The following XG variants were observed in gnomAD, a reference collection of about 807,000 sequenced individuals.
XG encodes glycoprotein Xg.
XG carries 24 observed loss-of-function variants against 25.7 expected under a neutral mutation model. The observed-to-expected ratio is 0.93, with a 90% confidence interval of 0.68 to 1.31. The LOEUF (loss-of-function observed/expected upper bound fraction) is 1.31. Among genes scored for constraint, XG ranks in the 40% most tolerant of loss-of-function variants. The pLI, the probability that XG is intolerant of heterozygous loss-of-function variation, is 0.00. For synonymous variants in XG, 77 were observed against 69.2 expected, an observed-to-expected ratio of 1.11 and a Z score of -0.56; for missense variants, 181 against 187.6, an observed-to-expected ratio of 0.96 and a Z score of 0.21.
Position 2,815,044 on chromosome X carries a change from C to A in XG, c.*664C>A, listed in dbSNP as rs1215838898. ...GATGTTAAAACCATCTGGGGGAAAT[C>A]TTGGGATGCTTTTTCCTAGGAAATC... On this transcript the variant is annotated 3_prime_UTR_variant, in exon 11 of 11. Coordinates refer to ENST00000644266, the MANE Select transcript of XG (RefSeq NM_001141919.2). 9.0e-6 allele frequency: 1 copy of A among 111,417 alleles called. No individual in the cohort carries two copies. Among genetic ancestry groups the A allele is most frequent in the African/African-American group, 3.3e-5 (1 of 30,646 alleles). The allele number at this position is 111,417 out of a possible 1,213,427, so 9.2% of individuals were successfully genotyped here. A position where few individuals can be genotyped will look rare whatever the true frequency, so the allele number is the denominator to read the frequency against.
chrX:2,775,412 A>C (rs1461614508), intron 3 of XG, among the ~76,000 whole-genome samples: 1 of 152,184 alleles, frequency 6.6e-6, no homozygotes, highest in Non-Finnish European at 1.5e-5. Context: ...ATGAAGATGA[A>C]ATTTCAAGAA....
At chrX:2,767,914 AAC>A (rs1206008377) in intron 1 of XG, among the ~76,000 whole-genome samples, 2 of 152,074 alleles carry the variant, frequency 1.3e-5, no homozygotes, top group Non-Finnish European at 2.9e-5. Context: ...CAACCCCTGA[AAC>A]CAAGCAAAGC....
At chrX:2,798,373 T>C (rs751643322) in intron 7 of XG, among the ~76,000 whole-genome samples, 1,788 of 103,336 alleles carry the variant, frequency 0.017, 11 homozygotes, top group Non-Finnish European at 0.02. Context: ...TCTTTTCTTT[T>C]TTTTTTTTTT....
chrX:2,752,914 C>G, intron 1 of XG: 1 of 985,338 alleles, frequency 1.0e-6, no homozygotes, highest in Non-Finnish European at 1.2e-6. Flanking sequence ...TGTCCCAGAT[C>G]CAAGATTAGA....
At position 2,808,046 on chromosome X, in the gene XG, T is replaced by TC. The variant is rs751866739; in HGVS notation, c.419-133dup. On this transcript the variant is annotated intron_variant, in intron 8 of 10. Coordinates refer to ENST00000644266, the MANE Select transcript of XG (RefSeq NM_001141919.2). The stretch of plus-strand genomic sequence containing the variant: ...TCCTTATGCTGCTTGGCTGTCCCCC[T>TC]CCCCCCACAAGAATGTAAATTCCCT... The TC allele has an allele frequency of 6.4e-5, 41 of 636,797 alleles. No homozygotes were observed. In the East Asian group the frequency reaches 1.3e-3, roughly 21 times the overall value. 52.5% of individuals were successfully genotyped at this position (636,797 alleles called of 1,213,427 possible).
intron 1 of XG, among the ~76,000 whole-genome samples, chrX:2,762,867 C>T (rs1329241601): frequency 6.6e-6 from 1 of 152,166 alleles, no homozygotes; most frequent in African/African-American, 2.4e-5. Flanking sequence ...TAAAGGAAAA[C>T]CTTGAGTTCC....
intron 6 of XG, 75 bp from the exon 7 acceptor site, chrX:2,797,235 A>G (rs2086893752): frequency 2.8e-6 from 3 of 1,081,192 alleles, no homozygotes; most frequent in Non-Finnish European, 3.8e-6. Flanking sequence ...AATGAGCTGG[A>G]CAGACCAACA....
Position 2,800,114 on chromosome X carries a change from A to G in XG, c.373+2754A>G, listed in dbSNP as rs774703728. ...GCTATTTGTTGTTCTTTGCAGGAAG[A>G]ATGTGGGCTCAGAGCATGGCCCCAA... On this transcript the variant is annotated intron_variant, in intron 7 of 10. Coordinates refer to ENST00000644266, the MANE Select transcript of XG (RefSeq NM_001141919.2). Among the ~76,000 whole-genome samples, 55 of 111,531 alleles carry G rather than the reference A, an allele frequency of 4.9e-4. No individual in the cohort carries two copies. The South Asian group carries it at 0.02, about 41-fold the overall frequency.
chrX:2,762,792 G>C (rs948606408), intron 1 of XG, among the ~76,000 whole-genome samples: 17 of 152,216 alleles, frequency 1.1e-4, no homozygotes, highest in South Asian at 6.2e-4. Flanking sequence ...CGTCCTGGGA[G>C]AGAGTGAGAT....
chrX:2,761,023 A>G (rs907203895), intron 1 of XG, among the ~76,000 whole-genome samples: 6 of 151,976 alleles, frequency 3.9e-5, no homozygotes, highest in African/African-American at 1.2e-4. Flanking sequence ...GGACTTTGCT[A>G]TGGCAGCAGC....
intron 3 of XG, 109 bp downstream of exon 3, chrX:2,774,848 G>T (rs1208667264): frequency 2.4e-5 from 33 of 1,388,752 alleles, no homozygotes; most frequent in Non-Finnish European, 3.4e-5. Context: ...TGAAAGAGAT[G>T]CAACAACTGT....
intron 3 of XG, among the ~76,000 whole-genome samples, chrX:2,775,674 G>C (rs1272043622): frequency 1.3e-5 from 2 of 151,964 alleles, no homozygotes; most frequent in Non-Finnish European, 2.9e-5. Flanking sequence ...GGTAACCTTT[G>C]GCTGGGGGCG....
At chrX:2,789,049 A>G (rs1232872226) in intron 4 of XG, among the ~76,000 whole-genome samples, 2 of 111,420 alleles carry the variant, frequency 1.8e-5, no homozygotes, top group Non-Finnish European at 3.8e-5. Context: ...TGGGCAACAT[A>G]GCAAGACCTT....
At chrX:2,813,774 C>G (rs1196428914) in intron 10 of XG, among the ~76,000 whole-genome samples, 3 of 112,275 alleles carry the variant, frequency 2.7e-5, no homozygotes, top group South Asian at 3.7e-4. Flanking sequence ...TAAAGACCAA[C>G]AAGGCCATAT....
chrX:2,785,260 C>T (rs762921357), intron 4 of XG, among the ~76,000 whole-genome samples: 4 of 111,440 alleles, frequency 3.6e-5, no homozygotes, highest in Non-Finnish European at 5.6e-5. Context: ...TTTTCATCAA[C>T]AATAGGGCAG....
intron 7 of XG, among the ~76,000 whole-genome samples, chrX:2,805,328 C>T (rs1368109424): frequency 2.7e-5 from 3 of 112,389 alleles, no homozygotes; most frequent in Admixed American, 9.4e-5. Flanking sequence ...TTACAAGAGT[C>T]AGGAGGGCTG....
At chrX:2,775,039 T>C in intron 3 of XG, 1 of 398,736 alleles carries the variant, frequency 2.5e-6, no homozygotes, top group Non-Finnish European at 4.6e-6. Flanking sequence ...TCTAAAATGG[T>C]ACAGCCACTG....
chrX:2,753,885 C>T (rs1258079706), intron 1 of XG, among the ~76,000 whole-genome samples: 1 of 152,012 alleles, frequency 6.6e-6, no homozygotes, highest in African/African-American at 2.4e-5. Context: ...CCCATACAGC[C>T]ATTCTGTTTT....
At chrX:2,770,512 C>T (rs762364769) in intron 1 of XG, 38 bp from the exon 2 acceptor site, 6 of 1,613,432 alleles carry the variant, frequency 3.7e-6, no homozygotes, top group East Asian at 2.2e-5. Flanking sequence ...CTGGCCTTTC[C>T]ATCATGGGGT....
Sources: gnomAD v4.1 joint callset for allele counts (sites outside exome capture counted in the v4.1 genomes callset) on GRCh38, gnomAD v4.1.1 for gene constraint, MANE v1.5 for transcripts, NCBI Gene and HGNC (gene_info 2026-07-23, HGNC 2026-07-21) for gene names.